The following SAMSN1 variants were observed in gnomAD, a reference collection of about 807,000 sequenced individuals.
SAMSN1 encodes SAM domain-containing protein SAMSN-1.
In SAMSN1, 31 loss-of-function variants were observed where a neutral mutation model predicts 42.0. That is an observed-to-expected ratio of 0.74 (90% CI 0.55 to 1.00). The LOEUF is 1.00. Among genes scored for constraint, SAMSN1 ranks in the 50% least tolerant of loss-of-function variants. SAMSN1 has a pLI of 0.00. For synonymous variants in SAMSN1, 178 were observed against 151.9 expected (o/e 1.17, Z -1.26); for missense variants, 464 against 439.4 (o/e 1.06, Z -0.50).
intron 2 of SAMSN1, among the ~76,000 whole-genome samples, chr21:14,635,144 A>G (rs561765257): frequency 6.6e-6 from 1 of 152,178 alleles, no homozygotes; most frequent in Non-Finnish European, 1.5e-5. Context: ...GAACACATGG[A>G]CACAGGGAGG....
Position 14,536,771 on chromosome 21 carries a change from C to T in SAMSN1, c.57+9434G>A, listed in dbSNP as rs751859491. Among the ~76,000 whole-genome samples the T allele has an allele frequency of 7.9e-5, 12 of 152,214 alleles. No individual in the cohort carries two copies. In the South Asian group the frequency reaches 1.2e-3, roughly 16 times the overall value. On this transcript the variant is annotated intron_variant, in intron 1 of 7. Coordinates refer to ENST00000400566, the MANE Select transcript of SAMSN1 (RefSeq NM_022136.5). ...TGTAAACAATGGAATGAGGCCATTT[C>T]TCCTTGGCATGCAAGCACCAACTGG...
intron 6 of SAMSN1, among the ~76,000 whole-genome samples, chr21:14,601,055 A>T (rs757075910): frequency 2.0e-5 from 3 of 152,222 alleles, no homozygotes; most frequent in Non-Finnish European, 2.9e-5. Flanking sequence ...GATGATAAAA[A>T]CAGAGGCAGA....
intron 7 of SAMSN1, among the ~76,000 whole-genome samples, chr21:14,493,113 G>T (rs972690460): frequency 2.0e-5 from 3 of 151,772 alleles, no homozygotes; most frequent in Non-Finnish European, 4.4e-5. Context: ...CATCGACTTG[G>T]GCAGGCAGGC....
intron 1 of SAMSN1, among the ~76,000 whole-genome samples, chr21:14,648,791 G>A (rs552201228): frequency 0.011 from 1,718 of 152,112 alleles, 27 homozygotes; most frequent in African/African-American, 0.039. Flanking sequence ...AGAGGATGTG[G>A]AGAAATAGGA....
At chr21:14,534,214 A>T (rs539476679) in intron 1 of SAMSN1, among the ~76,000 whole-genome samples, 31 of 152,296 alleles carry the variant, frequency 2.0e-4, no homozygotes, top group Non-Finnish European at 4.0e-4. Flanking sequence ...CACACTCATT[A>T]TACATATATT....
chr21:14,615,965 A>G, intron 3 of SAMSN1: 5 of 578,380 alleles, frequency 8.6e-6, no homozygotes, highest in Non-Finnish European at 1.6e-5. Context: ...TACCAAGTAA[A>G]TTTGACTTAC....
intron 2 of SAMSN1, among the ~76,000 whole-genome samples, chr21:14,618,904 G>A (rs1390454867): frequency 6.6e-6 from 1 of 152,264 alleles, no homozygotes; most frequent in East Asian, 1.9e-4. Context: ...TCATTCACTA[G>A]GGAATGTGTG....
intron 1 of SAMSN1, among the ~76,000 whole-genome samples, chr21:14,657,706 A>G (rs1228678019): frequency 6.6e-6 from 1 of 151,864 alleles, no homozygotes; most frequent in Non-Finnish European, 1.5e-5. Flanking sequence ...TTCTGCCATC[A>G]GATTTATACG....
chr21:14,630,153 C>T (rs527298571), intron 2 of SAMSN1, among the ~76,000 whole-genome samples: 23 of 152,274 alleles, frequency 1.5e-4, no homozygotes, highest in Admixed American at 6.5e-4. Flanking sequence ...ACCCCAGAAC[C>T]TGGCTTGCTC....
intron 7 of SAMSN1, chr21:14,591,534 A>G (rs1982084703): frequency 6.6e-6 from 1 of 152,170 alleles, no homozygotes; most frequent in Non-Finnish European, 1.5e-5. Context: ...ATGGTCAATA[A>G]ATACATTCAA....
chr21:14,543,980 A>C (rs973523979), intron 1 of SAMSN1, among the ~76,000 whole-genome samples: 1 of 152,174 alleles, frequency 6.6e-6, no homozygotes. Context: ...CTCTTCAGTA[A>C]ATGAAAGGAT....
At chr21:14,570,562 C>G (rs1242111886) in intron 2 of SAMSN1, among the ~76,000 whole-genome samples, 1 of 152,130 alleles carries the variant, frequency 6.6e-6, no homozygotes, top group Admixed American at 6.5e-5. Flanking sequence ...ACCATATGTC[C>G]TAAATTGAAT....
chr21:14,609,523 T>C (rs1173783044), exon 5 of SAMSN1: 3 of 718,110 alleles, frequency 4.2e-6, no homozygotes, highest in East Asian at 5.4e-5. Flanking sequence ...ATCATTCTTA[T>C]GCTTGCTGTG....
At chr21:14,582,650 G>C (rs1018217269) in intron 1 of SAMSN1, among the ~76,000 whole-genome samples, 9 of 151,950 alleles carry the variant, frequency 5.9e-5, no homozygotes, top group African/African-American at 9.7e-5. Context: ...TAAAAAGCAA[G>C]TTATTTTGCT....
At chr21:14,499,817 A>G (rs1187239362) in intron 6 of SAMSN1, among the ~76,000 whole-genome samples, 2 of 152,202 alleles carry the variant, frequency 1.3e-5, no homozygotes, top group Non-Finnish European at 2.9e-5. Context: ...TCAGAAAAAA[A>G]CAATTAAGAA....
chr21:14,569,850 A>G lies in SAMSN1; in HGVS notation c.261+12286T>C, dbSNP rs540807080. Among the ~76,000 whole-genome samples the G allele has an allele frequency of 2.6e-5, 4 of 152,312 alleles. No individual in the cohort carries two copies. In the South Asian group the frequency reaches 8.3e-4, roughly 32 times the overall value. Reference sequence around the variant, plus strand: ...TAGGAGCTCTCAGTGGCCTCAAAATATGATGGTTCTTACCAAAAACAACGA... The same window carrying G: ...TAGGAGCTCTCAGTGGCCTCAAAATGTGATGGTTCTTACCAAAAACAACGA... On this transcript the variant is annotated intron_variant, in intron 2 of 8. Coordinates refer to the SAMSN1 transcript ENST00000285670.
At chr21:14,590,145 A>C (rs1056096486) in intron 7 of SAMSN1, among the ~76,000 whole-genome samples, 1 of 152,160 alleles carries the variant, frequency 6.6e-6, no homozygotes, top group Admixed American at 6.6e-5. Context: ...ACCAGAATGT[A>C]AATTTGTATA....
chr21:14,577,284 AT>A (rs58491748), intron 2 of SAMSN1, among the ~76,000 whole-genome samples: 647 of 53,800 alleles, frequency 0.012, 24 homozygotes, highest in Non-Finnish European at 0.017. Flanking sequence ...ATATATATAT[AT>A]TTTTTTTTTA....
rs117202292 is a variant in SAMSN1 at position 14,527,634 on chromosome 21, G to A, written c.58-6413C>T. 5.6e-3 allele frequency among the ~76,000 whole-genome samples: 847 copies of A among 152,064 alleles called. 6 individuals are homozygous for A. The highest frequency in any genetic ancestry group is 9.0e-3 in the Non-Finnish European group (611 of 67,984). ...GAAGTGCAGATTCTGATTCCACCAC[G>A]GTTTTACAATGTTTTGTCAAAATTT... On this transcript the variant is annotated intron_variant, in intron 1 of 7. Coordinates refer to ENST00000400566, the MANE Select transcript of SAMSN1 (RefSeq NM_022136.5).
Sources: gnomAD v4.1 joint callset for allele counts (sites outside exome capture counted in the v4.1 genomes callset) on GRCh38, gnomAD v4.1.1 for gene constraint, MANE v1.5 for transcripts, NCBI Gene and HGNC (gene_info 2026-07-23, HGNC 2026-07-21) for gene names.